Variants in GFPT1 observed in about 807,000 individuals in gnomAD.
GFPT1 encodes glutamine--fructose-6-phosphate transaminase 1.
In GFPT1, 40 loss-of-function variants were observed where a neutral mutation model predicts 92.0. That is an observed-to-expected ratio of 0.43 (90% confidence interval 0.34 to 0.57). The LOEUF (loss-of-function observed/expected upper bound fraction) is 0.57, where lower values mean the gene tolerates loss of function less well. Ranked by LOEUF, GFPT1 falls within the 20% of genes least tolerant of loss-of-function variation. The pLI, the probability that GFPT1 is intolerant of heterozygous loss-of-function variation, is 0.02. For synonymous variants in GFPT1, 269 were observed against 280.6 expected, an observed-to-expected ratio of 0.96 and a Z score of 0.41; for missense variants, 448 against 869.1, an observed-to-expected ratio of 0.52 and a Z score of 6.09.
intron 3 of GFPT1, among the ~76,000 whole-genome samples, chr2:69,364,823 T>A (rs924649223): frequency 6.6e-6 from 1 of 151,836 alleles, no homozygotes; most frequent in South Asian, 2.1e-4. Flanking sequence ...GGTGAAACCC[T>A]GTCTCTACTA....
At chr2:69,338,419 CT>C (rs756542985) in intron 14 of GFPT1, 25 bp downstream of exon 14, 3 of 1,588,594 alleles carry the variant, frequency 1.9e-6, no homozygotes, top group South Asian at 1.1e-5. Context: ...ACTTTCCTTC[CT>C]TTTAAGTCTT....
chr2:69,334,461 A>C (rs2104609790), intron 15 of GFPT1: 1 of 152,284 alleles, frequency 6.6e-6, no homozygotes, highest in East Asian at 1.9e-4. Flanking sequence ...GGTAAAAAGT[A>C]TGTAAGACTT....
chr2:69,354,720 A>C (rs1277935635), intron 7 of GFPT1, 152 bp from the exon 8 acceptor site: 1 of 658,246 alleles, frequency 1.5e-6, no homozygotes, highest in Non-Finnish European at 2.7e-6. Flanking sequence ...GAATTTTTTA[A>C]AAAAATCAGT....
At chr2:69,341,195 C>G (rs914439953) in intron 13 of GFPT1, among the ~76,000 whole-genome samples, 3 of 152,130 alleles carry the variant, frequency 2.0e-5, no homozygotes, top group East Asian at 3.9e-4. Flanking sequence ...TCAACTGATC[C>G]TCCCACTTTG....
chr2:69,338,976 G>C (rs1400995979), intron 13 of GFPT1, among the ~76,000 whole-genome samples: 1 of 151,956 alleles, frequency 6.6e-6, no homozygotes, highest in African/African-American at 2.4e-5. Flanking sequence ...AGTAGAGATG[G>C]GGTTTCACCA....
In GFPT1 at chr2:69,325,949, T is replaced by C; in HGVS notation, c.*240A>G. ...TTTAAAGAAAATAATAGCTAGAATC[T>C]TTCTGATACAGATTCCAATATAGAT... On this transcript the variant is annotated 3_prime_UTR_variant, in exon 20 of 20. Coordinates refer to ENST00000357308, the MANE Select transcript of GFPT1 (RefSeq NM_001244710.2). 1 of 448,896 alleles carries C rather than the reference T, an allele frequency of 2.2e-6. No individual in the cohort carries two copies. Among genetic ancestry groups the C allele is most frequent in the South Asian group, 3.9e-5 (1 of 25,876 alleles). The allele number at this position is 448,896 out of a possible 1,614,324, so 27.8% of individuals were successfully genotyped here. A position where few individuals can be genotyped will look rare whatever the true frequency, so the allele number is the denominator to read the frequency against.
intron 15 of GFPT1, among the ~76,000 whole-genome samples, chr2:69,336,788 C>A (rs1353574532): frequency 6.6e-6 from 1 of 151,982 alleles, no homozygotes; most frequent in Non-Finnish European, 1.5e-5. Flanking sequence ...AAAACAAGAC[C>A]CTGTCTCTAA....
chr2:69,333,177 A>C (rs1489630139), intron 15 of GFPT1, among the ~76,000 whole-genome samples: 1 of 152,232 alleles, frequency 6.6e-6, no homozygotes, highest in Non-Finnish European at 1.5e-5. Context: ...TTAATCAATT[A>C]ATCACAAAAC....
intron 13 of GFPT1, 144 bp from the exon 14 acceptor site, chr2:69,338,709 T>TA: frequency 3.0e-6 from 2 of 666,392 alleles, no homozygotes; most frequent in Non-Finnish European, 2.4e-6. Context: ...ATTAAAATAT[T>TA]TAAAAAAAAA....
At chr2:69,354,161 G>A in intron 9 of GFPT1, 98 bp downstream of exon 9, 1 of 750,640 alleles carries the variant, frequency 1.3e-6, no homozygotes, top group Non-Finnish European at 2.1e-6. Flanking sequence ...CATTTTTAGA[G>A]GCCCAGCACA....
chr2:69,386,227 G>A (rs1248679889), intron 1 of GFPT1, among the ~76,000 whole-genome samples: 2 of 152,136 alleles, frequency 1.3e-5, no homozygotes, highest in Non-Finnish European at 2.9e-5. Flanking sequence ...TCAAAACATG[G>A]AATAAAAGGG....
intron 15 of GFPT1, among the ~76,000 whole-genome samples, chr2:69,332,475 G>A (rs1192260779): frequency 3.3e-5 from 5 of 151,582 alleles, no homozygotes; most frequent in Admixed American, 2.0e-4. Context: ...CACCATGCCC[G>A]GCTAATTTTC....
chr2:69,378,828 TAA>T (rs1312646742), intron 1 of GFPT1, among the ~76,000 whole-genome samples: 2 of 152,248 alleles, frequency 1.3e-5, no homozygotes, highest in Admixed American at 6.5e-5. Context: ...TTATCAGTGA[TAA>T]GTGTTCAAAT....
At chr2:69,340,140 CTTTTTTTTT>C (rs139786418) in intron 13 of GFPT1, among the ~76,000 whole-genome samples, 2 of 99,128 alleles carry the variant, frequency 2.0e-5, no homozygotes, top group Non-Finnish European at 4.2e-5. Context: ...GTTGGGGCAA[CTTTTTTTTT>C]TTTTTTTTTT....
intron 12 of GFPT1, among the ~76,000 whole-genome samples, chr2:69,342,985 T>C (rs1670988426): frequency 6.6e-6 from 1 of 152,192 alleles, no homozygotes; most frequent in Non-Finnish European, 1.5e-5. Flanking sequence ...GACAGCAACA[T>C]TCTCCAGTTC....
In GFPT1 at chr2:69,359,383, T is replaced by C. The variant is rs868830774; in HGVS notation, c.350-57A>G. On this transcript the variant is annotated intron_variant, in intron 4 of 19. Coordinates refer to ENST00000357308, the MANE Select transcript of GFPT1 (RefSeq NM_001244710.2). ...AGTTAGAAGTATGATAAATCTAAAA[T>C]AGCTATTACTCTAACTGGATTTTTC... 24 of 980,260 alleles carry C rather than the reference T, an allele frequency of 2.4e-5. No homozygotes were observed. In the African/African-American group the frequency reaches 3.0e-4, roughly 12 times the overall value. 60.7% of individuals were successfully genotyped at this position (980,260 alleles called of 1,614,324 possible). A position where few individuals can be genotyped will look rare whatever the true frequency, so the allele number is the denominator to read the frequency against.
At chr2:69,386,482 C>G (rs985449990) in intron 1 of GFPT1, among the ~76,000 whole-genome samples, 1 of 152,224 alleles carries the variant, frequency 6.6e-6, no homozygotes, top group African/African-American at 2.4e-5. Flanking sequence ...ACCAGAGGAT[C>G]AGGTCTAAGC....
intron 1 of GFPT1, 31 bp downstream of exon 1, chr2:69,387,034 G>T (rs1351998066): frequency 6.6e-7 from 1 of 1,505,426 alleles, no homozygotes; most frequent in Non-Finnish European, 8.9e-7. Flanking sequence ...GCGCCACCCG[G>T]CAACACGCCC....
At chr2:69,344,871 G>A (rs966547806) in intron 12 of GFPT1, among the ~76,000 whole-genome samples, 10 of 151,874 alleles carry the variant, frequency 6.6e-5, no homozygotes, top group Non-Finnish European at 1.3e-4. Context: ...GAGCTCAAGC[G>A]ATCCTCCCGC....
Sources: gnomAD v4.1 joint callset for allele counts (sites outside exome capture counted in the v4.1 genomes callset) on GRCh38, gnomAD v4.1.1 for gene constraint, MANE v1.5 for transcripts, NCBI Gene and HGNC (gene_info 2026-07-23, HGNC 2026-07-21) for gene names.